Variants in ACAD11 observed in about 807,000 individuals in gnomAD.
The protein encoded by ACAD11 is acyl-Coenzyme A dehydrogenase family, member 11.
Under a neutral mutation model 102.2 loss-of-function variants are expected in ACAD11, and 83 were observed. That is an observed-to-expected ratio of 0.81 (90% confidence interval 0.68 to 0.97). ACAD11 has a LOEUF of 0.97. ACAD11 is among the 50% of genes least tolerant of loss of function. ACAD11 has a pLI of 0.00. For missense variants in ACAD11, 901 were observed against 951.7 expected, an observed-to-expected ratio of 0.95 and a Z score of 0.70; for synonymous variants, 324 against 319.8, an observed-to-expected ratio of 1.01 and a Z score of -0.14.
intron 8 of ACAD11, 80 bp from the exon 9 acceptor site, chr3:132,626,897 GT>G: frequency 7.1e-7 from 1 of 1,412,636 alleles, no homozygotes; most frequent in African/African-American, 1.5e-5. Context: ...ATAATGTGAA[GT>G]TTCCTCAGCT....
intron 17 of ACAD11, among the ~76,000 whole-genome samples, chr3:132,571,482 C>T (rs977772681): frequency 3.3e-5 from 5 of 151,666 alleles, no homozygotes; most frequent in Admixed American, 1.3e-4. Flanking sequence ...TTTCTTTTGC[C>T]GTGCAGAAGC....
At chr3:132,559,209 T>C (rs1014797191) in intron 19 of ACAD11, 124 bp from the exon 20 acceptor site, 20 of 727,924 alleles carry the variant, frequency 2.7e-5, no homozygotes, top group African/African-American at 1.6e-4. Context: ...AAGGTCAGGG[T>C]AAGAAAAAGG....
intron 6 of ACAD11, among the ~76,000 whole-genome samples, chr3:132,630,814 T>G (rs1940009586): frequency 1.3e-5 from 2 of 152,212 alleles, no homozygotes; most frequent in Non-Finnish European, 2.9e-5. Context: ...CGATGGCTCA[T>G]GCCTATAATC....
In ACAD11 at chr3:132,575,987, A is replaced by G. The variant is rs1051757449; in HGVS notation, c.1847-61T>C. On this transcript the variant is annotated intron_variant, in intron 16 of 19. Coordinates refer to ENST00000264990, the MANE Select transcript of ACAD11 (RefSeq NM_032169.5). ...AATGGCCTAGCCCATTCCTTTTGTT[A>G]TTTATACAAATCCTGGGAAAGAGAT... 5.7e-6 allele frequency: 9 copies of G among 1,575,174 alleles called. No individual in the cohort carries two copies. The Admixed American group carries it at 1.4e-4, about 24-fold the overall frequency.
chr3:132,635,913 C>G (rs1389282049), intron 5 of ACAD11, among the ~76,000 whole-genome samples: 1 of 151,928 alleles, frequency 6.6e-6, no homozygotes, highest in African/African-American at 2.4e-5. Context: ...ATTTGTGAAA[C>G]TACTGAAGAG....
At chr3:132,609,188 G>A (rs1317733250) in intron 11 of ACAD11, among the ~76,000 whole-genome samples, 11 of 152,018 alleles carry the variant, frequency 7.2e-5, no homozygotes, top group Non-Finnish European at 1.5e-4. Flanking sequence ...AGGAGAAAGC[G>A]GGAAAGATGT....
chr3:132,638,502 T>G (rs1230991459), intron 5 of ACAD11, among the ~76,000 whole-genome samples: 2 of 152,184 alleles, frequency 1.3e-5, no homozygotes, highest in East Asian at 3.8e-4. Context: ...AGTGAATAAT[T>G]AACTAAAATT....
intron 9 of ACAD11, among the ~76,000 whole-genome samples, chr3:132,623,464 C>G (rs1264427757): frequency 2.0e-5 from 3 of 151,858 alleles, no homozygotes; most frequent in Non-Finnish European, 2.9e-5. Flanking sequence ...GTATTGTTCA[C>G]TATCATTCTA....
intron 17 of ACAD11, among the ~76,000 whole-genome samples, chr3:132,564,709 T>C (rs1005027130): frequency 2.6e-5 from 4 of 152,214 alleles, no homozygotes; most frequent in African/African-American, 2.4e-5. Context: ...AGAAAATAAG[T>C]ATGTCTGATA....
At chr3:132,619,639 G>A in intron 9 of ACAD11, 94 bp from the exon 10 acceptor site, 1 of 628,182 alleles carries the variant, frequency 1.6e-6, no homozygotes, top group Non-Finnish European at 2.7e-6. Flanking sequence ...AACATTTTTA[G>A]GTGAAGATGC....
rs1939782079 is a variant in ACAD11 at position 132,625,670 on chromosome 3, AAT to A, written c.1197+1019_1197+1020del. Among the ~76,000 whole-genome samples the A allele has an allele frequency of 3.3e-5, 5 of 152,276 alleles. No homozygotes were observed. The South Asian group carries it at 1.0e-3, about 32-fold the overall frequency. ...AATCTCAAGCCAGATATTTACTAAA[AAT>A]ATAATAATTATTTATATAATTCAAG... On this transcript the variant is annotated intron_variant, in intron 9 of 19. Transcript: ENST00000264990.
intron 13 of ACAD11, among the ~76,000 whole-genome samples, chr3:132,594,352 A>G (rs1938210094): frequency 6.6e-6 from 1 of 152,216 alleles, no homozygotes; most frequent in Non-Finnish European, 1.5e-5. Flanking sequence ...AGATTCTATA[A>G]TAGATGGCAT....
chr3:132,571,844 T>C (rs1191362002), intron 17 of ACAD11, among the ~76,000 whole-genome samples: 1 of 152,158 alleles, frequency 6.6e-6, no homozygotes, highest in Non-Finnish European at 1.5e-5. Context: ...AGGCTTTCAA[T>C]AAAATTCAAC....
chr3:132,567,362 G>A (rs1256769561), intron 17 of ACAD11, among the ~76,000 whole-genome samples: 1 of 152,088 alleles, frequency 6.6e-6, no homozygotes, highest in Non-Finnish European at 1.5e-5. Flanking sequence ...CTGGTAAAAT[G>A]ATGACACCAA....
At chr3:132,602,446 A>G (rs1184262742) in intron 13 of ACAD11, among the ~76,000 whole-genome samples, 5 of 152,198 alleles carry the variant, frequency 3.3e-5, no homozygotes, top group Non-Finnish European at 7.4e-5. Context: ...ACTAAAAAAT[A>G]CATTATCCCA....
At chr3:132,625,202 T>G (rs1033152206) in intron 9 of ACAD11, among the ~76,000 whole-genome samples, 5 of 152,200 alleles carry the variant, frequency 3.3e-5, no homozygotes, top group Admixed American at 6.5e-5. Context: ...TGCTACAGAC[T>G]TCTTTCAAAC....
At chr3:132,602,739 T>G (rs1938667536) in intron 13 of ACAD11, among the ~76,000 whole-genome samples, 1 of 152,204 alleles carries the variant, frequency 6.6e-6, no homozygotes, top group South Asian at 2.1e-4. Flanking sequence ...TATTTTAAAA[T>G]TACTTTTTCT....
intron 11 of ACAD11, among the ~76,000 whole-genome samples, chr3:132,606,929 G>A (rs1232872239): frequency 6.6e-6 from 1 of 152,200 alleles, no homozygotes; most frequent in Non-Finnish European, 1.5e-5. Flanking sequence ...ACTTCCAGAG[G>A]AAGGAACAGG....
intron 18 of ACAD11, among the ~76,000 whole-genome samples, chr3:132,560,784 G>A (rs1937032349): frequency 6.6e-6 from 1 of 152,010 alleles, no homozygotes; most frequent in Non-Finnish European, 1.5e-5. Context: ...TAAGTACTTT[G>A]CCCGTGATCA....
Sources: allele counts gnomAD v4.1 joint callset (sites outside exome capture counted in the v4.1 genomes callset), GRCh38; gene constraint gnomAD v4.1.1; transcripts MANE v1.5; gene names NCBI Gene and HGNC (gene_info 2026-07-23, HGNC 2026-07-21).